CNNM4: variants seen among roughly 807,000 people sequenced by gnomAD.
CNNM4 encodes the protein cyclin and CBS domain divalent metal cation transport mediator 4.
Under a neutral mutation model 53.7 loss-of-function variants are expected in CNNM4, and 32 were observed. The ratio of observed to expected loss-of-function variants is 0.60; its 90% CI spans 0.45 to 0.80. The LOEUF (loss-of-function observed/expected upper bound fraction) is 0.80. Among genes scored for constraint, CNNM4 ranks in the 30% least tolerant of loss-of-function variants. The probability of loss-of-function intolerance (pLI) is 0.00; values close to 1 mark genes in which losing one functional copy is unlikely to be tolerated. For synonymous variants in CNNM4, 410 were observed against 440.0 expected, an observed-to-expected ratio of 0.93 and a Z score of 0.85; for missense variants, 784 against 1,022.0, an observed-to-expected ratio of 0.77 and a Z score of 3.17.
At position 96,808,448 on chromosome 2, in the gene CNNM4, C is replaced by A; in HGVS notation, c.1949-113C>A. 9.6e-7 allele frequency: 1 copy of A among 1,046,528 alleles called. No homozygotes were observed. Among genetic ancestry groups the A allele is most frequent in the Non-Finnish European group, 1.5e-6 (1 of 684,714 alleles). 64.8% of individuals were successfully genotyped at this position (1,046,528 alleles called of 1,614,324 possible). ...TGCTTCTGTTTGTCCCTAAGAATGACTTCCTGTTCCTGGGTGGGGTGTCCC... is the reference window on the plus strand; with the variant it reads ...TGCTTCTGTTTGTCCCTAAGAATGAATTCCTGTTCCTGGGTGGGGTGTCCC... On this transcript the variant is annotated intron_variant, in intron 5 of 6. Transcript: ENST00000377075. This position sits in a 1 kb window ranked among gnomAD's most constrained non-coding sequence, Gnocchi z 4.9.
chr2:96,808,537 T>C lies in CNNM4; in HGVS notation c.1949-24T>C, dbSNP rs2079228277. The C allele has an allele frequency of 6.2e-7, 1 of 1,613,728 alleles. No individual in the cohort carries two copies. On this transcript the variant is annotated intron_variant, in intron 5 of 6. Transcript: ENST00000377075. The surrounding 1 kb of genome is among the most constrained non-coding windows in gnomAD (Gnocchi z 4.9). ...GTGGGCATCGGAGTGGCCTTTGGCA[T>C]GACAACCTCTGCTCTCCCTGCAGAC...
chr2:96,809,437 C>T lies in CNNM4; in HGVS notation c.2248C>T (p.Pro750Ser), dbSNP rs918154808. 3.7e-6 allele frequency: 6 copies of T among 1,614,092 alleles called. No homozygotes were observed. Among genetic ancestry groups the T allele is most frequent in the East Asian group, 2.2e-5 (1 of 44,900 alleles). ...MENLAEKSEL[P>S]VVDETTTLLN... ...GAACTTGGCCGAGAAGTCTGAGCTG[C>T]CTGTGGTGGACGAGACCACAACTCT... The change falls in exon 7 of 7, where the codon CCT becomes TCT. Residue 750 changes from proline to serine, a missense_variant. Physicochemically the swap from Pro to Ser is moderately conservative, Grantham distance 74. This residue lies in a region of CNNM4 where 307 missense variants were observed against 376.3 expected (regional missense o/e 0.82). Transcript: ENST00000377075.
chr2:96,766,516 C>A (rs541943655), intron 1 of CNNM4, among the ~76,000 whole-genome samples: 1 of 152,266 alleles, frequency 6.6e-6, no homozygotes, highest in Non-Finnish European at 1.5e-5. Context: ...GGCCTTCTTG[C>A]CACCTTGTTT....
chr2:96,784,731 C>T (rs2079002156), intron 1 of CNNM4, among the ~76,000 whole-genome samples: 1 of 152,138 alleles, frequency 6.6e-6, no homozygotes, highest in South Asian at 2.1e-4. Flanking sequence ...CTTCTCTGGG[C>T]CTTAGCTTCC....
intron 1 of CNNM4, among the ~76,000 whole-genome samples, chr2:96,777,218 A>C (rs921058514): frequency 6.6e-6 from 1 of 151,228 alleles, no homozygotes; most frequent in African/African-American, 2.4e-5. Context: ...ACAGGGTTTC[A>C]CCACGTTGGC....
At chr2:96,773,595 C>A (rs555490310) in intron 1 of CNNM4, among the ~76,000 whole-genome samples, 92 of 152,212 alleles carry the variant, frequency 6.0e-4, no homozygotes, top group African/African-American at 2.1e-3. Flanking sequence ...GTAATCCCAG[C>A]ACTTTGGGAG....
At chr2:96,806,825 A>C (rs1265029438) in intron 5 of CNNM4, among the ~76,000 whole-genome samples, 2 of 152,152 alleles carry the variant, frequency 1.3e-5, no homozygotes, top group African/African-American at 4.8e-5. Context: ...TCAAAATAAG[A>C]AGCCCATTCT....
In CNNM4 at chr2:96,800,236, CTGTGCTGAG is replaced by C. The variant is rs2079146768; in HGVS notation, c.1948+591_1948+599del. ...ACTCTGGCCGCCCCAGTGCCCTCTC[CTGTGCTGAG>C]TGGCTCAGGCTTTCCCCGCAGAGCC... On this transcript the variant is annotated intron_variant, in intron 5 of 6. Transcript: ENST00000377075. This position sits in a 1 kb window ranked among gnomAD's most constrained non-coding sequence, Gnocchi z 4.6. Among the ~76,000 whole-genome samples the C allele has an allele frequency of 6.6e-6, 1 of 152,156 alleles. No individual in the cohort carries two copies. Among genetic ancestry groups the C allele is most frequent in the Non-Finnish European group, 1.5e-5 (1 of 68,014 alleles).
At chr2:96,798,928 C>G in intron 3 of CNNM4, 129 bp from the exon 4 acceptor site, 3 of 919,420 alleles carry the variant, frequency 3.3e-6, no homozygotes, top group Non-Finnish European at 5.2e-6. Flanking sequence ...GAACGAGGGC[C>G]GGCCGAGCAG....
chr2:96,781,127 C>T (rs978522631), intron 1 of CNNM4, among the ~76,000 whole-genome samples: 5 of 151,598 alleles, frequency 3.3e-5, no homozygotes, highest in Admixed American at 2.0e-4. Context: ...TACAGGCACC[C>T]GCCACAATGC....
chr2:96,776,510 G>T (rs894229078), intron 1 of CNNM4, among the ~76,000 whole-genome samples: 1 of 152,196 alleles, frequency 6.6e-6, no homozygotes, highest in Non-Finnish European at 1.5e-5. Context: ...ATTTTGAAAT[G>T]TAAAATTGAC....
chr2:96,793,498 G>A (rs1343656495), intron 1 of CNNM4, among the ~76,000 whole-genome samples: 4 of 152,324 alleles, frequency 2.6e-5, no homozygotes, highest in Admixed American at 2.6e-4. Flanking sequence ...GCTCAGGGCT[G>A]TACACCTACA....
intron 1 of CNNM4, among the ~76,000 whole-genome samples, chr2:96,770,487 T>A (rs1302563306): frequency 6.6e-6 from 1 of 152,210 alleles, no homozygotes. Flanking sequence ...ACATGGCGTT[T>A]TCCACTCTGG....
At chr2:96,771,676 T>TGCACTCCAGCCTGGGCGACAGAGCC (rs2078871006) in intron 1 of CNNM4, among the ~76,000 whole-genome samples, 4 of 148,548 alleles carry the variant, frequency 2.7e-5, no homozygotes, top group Admixed American at 2.0e-4. Flanking sequence ...ATCGTGCCAC[T>TGCACTCCAGCCTGGGCGACAGAGCC]GCACTCCAGC....
rs1446584974 is a variant in CNNM4, at chr2:96,811,765, G to A, written c.*2248G>A. ...TTGGCGTTATGAGTTTGACTCTCGG[G>A]GAGTTTTGTTGTTATGACTCTTGTG... On this transcript the variant is annotated 3_prime_UTR_variant, in exon 7 of 7. Coordinates refer to ENST00000377075, the MANE Select transcript of CNNM4 (RefSeq NM_020184.4). 5 of 152,394 alleles carry A rather than the reference G, an allele frequency of 3.3e-5. No individual in the cohort carries two copies. The highest frequency in any genetic ancestry group is 2.9e-5 in the Non-Finnish European group (2 of 67,974). 9.4% of individuals were successfully genotyped at this position (152,394 alleles called of 1,614,324 possible).
Position 96,800,500 on chromosome 2 carries a change from A to T in CNNM4, c.1948+852A>T, listed in dbSNP as rs564743116. On this transcript the variant is annotated intron_variant, in intron 5 of 6. Coordinates refer to ENST00000377075, the MANE Select transcript of CNNM4 (RefSeq NM_020184.4). This position sits in a 1 kb window ranked among gnomAD's most constrained non-coding sequence, Gnocchi z 4.6. ...CCCCGAGGGGGAACGGGGGTAGGGC[A>T]CCCATGAATACTGACACCCAGCTTG... is the stretch of plus-strand genomic sequence containing the variant. Among the ~76,000 whole-genome samples, 4 of 152,258 alleles carry T rather than the reference A, an allele frequency of 2.6e-5. No individual in the cohort carries two copies. In the East Asian group the frequency reaches 7.7e-4, roughly 29 times the overall value.
intron 1 of CNNM4, among the ~76,000 whole-genome samples, chr2:96,767,968 T>A (rs1227025844): frequency 6.6e-6 from 1 of 152,062 alleles, no homozygotes; most frequent in African/African-American, 2.4e-5. Context: ...GCTACTGGGG[T>A]GGCTGAGGCA....
chr2:96,798,013 AC>A (rs1256708629), intron 3 of CNNM4, among the ~76,000 whole-genome samples: 2 of 151,820 alleles, frequency 1.3e-5, no homozygotes, highest in East Asian at 3.9e-4. Flanking sequence ...ACATGGCGAG[AC>A]CCCATCTCTA....
rs2079249160 is a variant in CNNM4, at chr2:96,810,627, G to A, written c.*1110G>A. On this transcript the variant is annotated 3_prime_UTR_variant, in exon 7 of 7. Coordinates refer to ENST00000377075, the MANE Select transcript of CNNM4 (RefSeq NM_020184.4). The surrounding 1 kb of genome is among the most constrained non-coding windows in gnomAD (Gnocchi z 4.1). ...CCAAGCTTCAGTCCCTCTTGGGGGT[G>A]GAGACAAGAGGACATGTGGGAAGCC... The A allele has an allele frequency of 6.6e-6, 1 of 152,416 alleles. No individual in the cohort carries two copies. Among genetic ancestry groups the A allele is most frequent in the Admixed American group, 6.5e-5 (1 of 15,280 alleles). 9.4% of individuals were successfully genotyped at this position (152,416 alleles called of 1,614,324 possible).
Sources: gnomAD v4.1 joint callset for allele counts (sites outside exome capture counted in the v4.1 genomes callset) on GRCh38, gnomAD v4.1.1 for gene constraint, gnomAD v4.1.1 regional missense constraint, Gnocchi (gnomAD v3.1) non-coding constraint, MANE v1.5 for transcripts, NCBI Gene and HGNC (gene_info 2026-07-23, HGNC 2026-07-21) for gene names.